The following DRC11 variants were observed in gnomAD, a reference collection of about 807,000 sequenced individuals.
DRC11 encodes the protein IQ and AAA domain-containing protein 1.
At chr2:236,466,753 CACCTCCCACTA>C in the DRC11 span, among the ~76,000 whole-genome samples, 3 of 152,198 alleles carry the variant, frequency 2.0e-5, no homozygotes, top group African/African-American at 7.2e-5. Flanking sequence ...CAAGATCCAT[CACCTCCCACTA>C]GGCTCCACCT....
the DRC11 span, among the ~76,000 whole-genome samples, chr2:236,470,672 T>G: frequency 6.6e-6 from 1 of 152,190 alleles, no homozygotes; most frequent in Admixed American, 6.5e-5. This position sits in a 1 kb window ranked among gnomAD's most constrained non-coding sequence, Gnocchi z 5.1. Flanking sequence ...TATGTATCTG[T>G]GTTTATACAA....
the DRC11 span, among the ~76,000 whole-genome samples, chr2:236,435,397 T>C: frequency 6.6e-6 from 1 of 152,260 alleles, no homozygotes; most frequent in South Asian, 2.1e-4. Context: ...AACACAGCCA[T>C]GCCCATCATT....
At chr2:236,309,168 C>A in the DRC11 span, among the ~76,000 whole-genome samples, 5 of 152,302 alleles carry the variant, frequency 3.3e-5, no homozygotes, top group African/African-American at 1.2e-4. The surrounding 1 kb of genome is among the most constrained non-coding windows in gnomAD (Gnocchi z 5.7). Context: ...TGGCCGAGAA[C>A]TCCCTCGCGG....
the DRC11 span, chr2:236,338,075 AC>A: frequency 1.2e-6 from 1 of 802,076 alleles, no homozygotes; most frequent in Non-Finnish European, 2.0e-6. Flanking sequence ...AGGTGCACAC[AC>A]CCCACCGGGT....
At chr2:236,496,851 G>A in the DRC11 span, among the ~76,000 whole-genome samples, 1 of 152,168 alleles carries the variant, frequency 6.6e-6, no homozygotes, top group African/African-American at 2.4e-5. The surrounding 1 kb of genome is among the most constrained non-coding windows in gnomAD (Gnocchi z 6.3). Flanking sequence ...TGTGTTTCAA[G>A]GGTGCTGATG....
At chr2:236,368,711 A>G in the DRC11 span, 1 of 163,060 alleles carries the variant, frequency 6.1e-6, no homozygotes, top group Non-Finnish European at 1.3e-5. Flanking sequence ...TTTATAAATA[A>G]GTTATTTAAG....
the DRC11 span, among the ~76,000 whole-genome samples, chr2:236,345,630 T>C: frequency 6.6e-6 from 1 of 152,140 alleles, no homozygotes; most frequent in Non-Finnish European, 1.5e-5. Context: ...CGAGCCCCTC[T>C]GGACAAGCAG....
the DRC11 span, among the ~76,000 whole-genome samples, chr2:236,306,855 G>A: frequency 6.6e-6 from 1 of 152,050 alleles, no homozygotes; most frequent in African/African-American, 2.4e-5. The surrounding 1 kb of genome is among the most constrained non-coding windows in gnomAD (Gnocchi z 5.9). Context: ...TTCAAACATC[G>A]GCTCTTGCAG....
chr2:236,416,710 T>C, the DRC11 span, among the ~76,000 whole-genome samples: 1 of 89,328 alleles, frequency 1.1e-5, no homozygotes, highest in Admixed American at 1.3e-4. Flanking sequence ...TTTATTTACA[T>C]ATATATATAT....
At chr2:236,439,758 T>C in the DRC11 span, among the ~76,000 whole-genome samples, 1 of 152,224 alleles carries the variant, frequency 6.6e-6, no homozygotes, top group East Asian at 1.9e-4. Context: ...CCAATCGTTC[T>C]GATAGCAACT....
At chr2:236,422,779 C>T in the DRC11 span, among the ~76,000 whole-genome samples, 2,624 of 151,798 alleles carry the variant, frequency 0.017, 81 homozygotes, top group African/African-American at 0.059. Flanking sequence ...GCTGGAGGCA[C>T]CACACTACCT....
At chr2:236,353,402 G>C in the DRC11 span, among the ~76,000 whole-genome samples, 1 of 152,086 alleles carries the variant, frequency 6.6e-6, no homozygotes, top group African/African-American at 2.4e-5. This position sits in a 1 kb window ranked among gnomAD's most constrained non-coding sequence, Gnocchi z 5.0. Context: ...TTGATCTTTT[G>C]TATTTTCCAA....
the DRC11 span, among the ~76,000 whole-genome samples, chr2:236,422,637 T>C: frequency 2.0e-5 from 3 of 152,180 alleles, no homozygotes; most frequent in African/African-American, 4.8e-5. Flanking sequence ...CAAGGTAATT[T>C]ATAGATTCAA....
At chr2:236,310,642 T>TG in the DRC11 span, among the ~76,000 whole-genome samples, 1 of 152,204 alleles carries the variant, frequency 6.6e-6, no homozygotes, top group Non-Finnish European at 1.5e-5. The surrounding 1 kb of genome is among the most constrained non-coding windows in gnomAD (Gnocchi z 5.5). Context: ...CAGGCACCAC[T>TG]GTCGAAGGGC....
chr2:236,418,108 T>C, the DRC11 span, among the ~76,000 whole-genome samples: 2 of 152,204 alleles, frequency 1.3e-5, no homozygotes, highest in Non-Finnish European at 2.9e-5. Context: ...GATTGCTGGG[T>C]CAAATGGTAT....
chr2:236,457,537 G>A, the DRC11 span, among the ~76,000 whole-genome samples: 1 of 152,234 alleles, frequency 6.6e-6, no homozygotes, highest in South Asian at 2.1e-4. The surrounding 1 kb of genome is among the most constrained non-coding windows in gnomAD (Gnocchi z 4.7). Context: ...TAAAGATACT[G>A]AGTGCTAATC....
chr2:236,467,727 T>C, the DRC11 span, among the ~76,000 whole-genome samples: 1 of 152,186 alleles, frequency 6.6e-6, no homozygotes, highest in Non-Finnish European at 1.5e-5. Flanking sequence ...GAAACAAGAA[T>C]ATGGCAACAT....
the DRC11 span, among the ~76,000 whole-genome samples, chr2:236,336,803 C>T: frequency 7.2e-5 from 11 of 152,198 alleles, no homozygotes; most frequent in African/African-American, 2.7e-4. The surrounding 1 kb of genome is among the most constrained non-coding windows in gnomAD (Gnocchi z 7.3). Flanking sequence ...ACGGTGGCCC[C>T]GCCACGAGCC....
the DRC11 span, chr2:236,363,866 T>A: frequency 1.9e-6 from 3 of 1,614,018 alleles, no homozygotes; most frequent in South Asian, 1.1e-5. This position sits in a 1 kb window ranked among gnomAD's most constrained non-coding sequence, Gnocchi z 5.6. Context: ...TTGAAGAGGT[T>A]GGCTCCCGTT....
Sources: allele counts gnomAD v4.1 joint callset (sites outside exome capture counted in the v4.1 genomes callset), GRCh38; gene constraint gnomAD v4.1.1; non-coding constraint Gnocchi (gnomAD v3.1); transcripts MANE v1.5; gene names NCBI Gene and HGNC (gene_info 2026-07-23, HGNC 2026-07-21).